The following NLRP13 variants were observed in gnomAD, a reference collection of about 807,000 sequenced individuals.
NLRP13 encodes NLR family pyrin domain containing 13, also known as NACHT, LRR and PYD domains-containing protein 13.
NLRP13 carries 82 observed loss-of-function variants against 94.4 expected under a neutral mutation model. The observed-to-expected ratio is 0.87, with a 90% CI of 0.73 to 1.04. The LOEUF is 1.04. Ranked by LOEUF, NLRP13 falls within the 50% of genes least tolerant of loss-of-function variation. The pLI is 0.00. For missense variants in NLRP13, 1,426 were observed against 1,230.8 expected (o/e 1.16, Z -2.37); for synonymous variants, 553 against 464.7 (o/e 1.19, Z -2.45).
In NLRP13 at chr19:55,902,045, G is replaced by A; in HGVS notation, c.2779C>T (p.Gln927Ter). 1 of 1,614,048 alleles carries A rather than the reference G, an allele frequency of 6.2e-7. No individual in the cohort carries two copies. Among genetic ancestry groups the A allele is most frequent in the Non-Finnish European group, 8.5e-7 (1 of 1,179,952 alleles). ...GCCAAGAAAACTTACTTCAGGCTCT[G>A]CAGGTTACCATCTGGGCGACCCAAG... is the stretch of plus-strand genomic sequence containing the variant. ...EALGRPDGNLQSLNLSGCSFT... is the reference protein window; with the variant it reads ...EALGRPDGNL Residue 927 changes from glutamine (Q) to a stop codon, truncating the protein, a stop_gained, in exon 9 of 11, where the codon CAG (glutamine) becomes TAG (stop). Coordinates refer to ENST00000342929, the MANE Select transcript of NLRP13 (RefSeq NM_176810.2). LOFTEE classifies it high-confidence loss of function.
In NLRP13 at chr19:55,912,283, A is replaced by G; in HGVS notation, c.1534T>C (p.Phe512Leu). 2 of 1,614,130 alleles carry G rather than the reference A, an allele frequency of 1.2e-6. No individual in the cohort carries two copies. The highest frequency in any genetic ancestry group is 1.7e-6 in the Non-Finnish European group (2 of 1,180,024). The change falls in exon 5 of 11, where the codon TTC becomes CTC. Residue 512 changes from phenylalanine (F) to leucine (L), a missense_variant. By Grantham distance (22) the Phe-to-Leu change is conservative (BLOSUM62 0). Transcript: ENST00000342929. ...DTEIEGLEVPFIDSLYEFNIL... is the reference protein window; with the variant it reads ...DTEIEGLEVPLIDSLYEFNIL... ...TTGAACTCGTAGAGAGAATCAATGA[A>G]AGGCACTTCCAGGCCCTCGATCTCA...
At chr19:55,909,978 A>G (rs886324038) in intron 6 of NLRP13, among the ~76,000 whole-genome samples, 1 of 151,876 alleles carries the variant, frequency 6.6e-6, no homozygotes, top group African/African-American at 2.4e-5. Context: ...TCCTCCTCAT[A>G]CATCCTTTCT....
intron 8 of NLRP13, 118 bp from the exon 9 acceptor site, chr19:55,902,323 A>AT (rs1986210838): frequency 2.6e-6 from 2 of 767,530 alleles, no homozygotes; most frequent in African/African-American, 3.5e-5. Flanking sequence ...CTGGACGACA[A>AT]GGTCTTTCTT....
At chr19:55,925,549 A>C (rs986450568) in intron 1 of NLRP13, among the ~76,000 whole-genome samples, 1 of 152,158 alleles carries the variant, frequency 6.6e-6, no homozygotes, top group African/African-American at 2.4e-5. Context: ...CAGAGAAGCC[A>C]CTCTAATATC....
chr19:55,918,313 A>G (rs1986724492), intron 4 of NLRP13, among the ~76,000 whole-genome samples: 1 of 151,912 alleles, frequency 6.6e-6, no homozygotes, highest in South Asian at 2.1e-4. Context: ...ATCACAAATT[A>G]ACAACCTAAC....
At chr19:55,910,151 T>G in intron 6 of NLRP13, among the ~76,000 whole-genome samples, 1 of 152,284 alleles carries the variant, frequency 6.6e-6, no homozygotes, top group South Asian at 2.1e-4. Flanking sequence ...ACAGGAGATG[T>G]CCAATACTCA....
chr19:55,905,472 T>C (rs1419981963), intron 7 of NLRP13, among the ~76,000 whole-genome samples: 1 of 118,964 alleles, frequency 8.4e-6, no homozygotes, highest in Admixed American at 8.5e-5. Flanking sequence ...CACACATATA[T>C]ACATATATAT....
At position 55,915,856 on chromosome 19, in the gene NLRP13, G is replaced by C. The variant is rs138404615; in HGVS notation, c.524-2563C>G. On this transcript the variant is annotated intron_variant, in intron 4 of 10. Transcript: ENST00000342929. ...AGCCCATTGCCTGATGCACAAGAAA[G>C]TTTCTCCTGGTAAACAACAATCAAG... Among the ~76,000 whole-genome samples the C allele has an allele frequency of 8.6e-5, 13 of 151,946 alleles. No homozygotes were observed. The East Asian group carries it at 2.3e-3, about 27-fold the overall frequency.
downstream of NLRP13, among the ~76,000 whole-genome samples, chr19:55,892,483 G>A (rs1460089573): frequency 1.3e-5 from 2 of 152,086 alleles, no homozygotes; most frequent in African/African-American, 2.4e-5. Flanking sequence ...GTGCAGTGGC[G>A]TGATCTCGGC....
At chr19:55,915,370 G>A (rs1259025794) in intron 4 of NLRP13, among the ~76,000 whole-genome samples, 1 of 152,092 alleles carries the variant, frequency 6.6e-6, no homozygotes, top group Non-Finnish European at 1.5e-5. Context: ...GGCCGAAGCA[G>A]GTGGATCACC....
intron 9 of NLRP13, among the ~76,000 whole-genome samples, chr19:55,900,883 T>C (rs1986150247): frequency 6.6e-6 from 1 of 152,166 alleles, no homozygotes; most frequent in Middle Eastern, 3.4e-3. Context: ...AAATCAATAA[T>C]TGTTGAAGTT....
intron 6 of NLRP13, among the ~76,000 whole-genome samples, chr19:55,909,342 A>C (rs1196381604): frequency 1.3e-5 from 2 of 152,164 alleles, no homozygotes; most frequent in Non-Finnish European, 2.9e-5. Flanking sequence ...CCAGCTCCAG[A>C]GAGGACCCTC....
chr19:55,923,965 G>A lies in NLRP13; in HGVS notation c.472C>T (p.Gln158Ter), dbSNP rs1986905994. The stretch of plus-strand genomic sequence containing the variant: ...TCTTGGTTTGGATCTTGGCATCCCT[G>A]GGCCTGTACATTCCCTGAAATAAAC... ...LEEETGNVQA[Q>*]GCQDPNQEEP... The change falls in exon 4 of 11, where the codon CAG becomes TAG. Residue 158 changes from glutamine (Q) to a stop codon, truncating the protein, a stop_gained. Coordinates refer to ENST00000342929, the MANE Select transcript of NLRP13 (RefSeq NM_176810.2). LOFTEE classifies it high-confidence loss of function. 12 of 1,613,606 alleles carry A rather than the reference G, an allele frequency of 7.4e-6. No homozygotes were observed. Among genetic ancestry groups the A allele is most frequent in the Non-Finnish European group, 1.0e-5 (12 of 1,179,658 alleles).
At chr19:55,900,475 G>A (rs533075826) in intron 9 of NLRP13, among the ~76,000 whole-genome samples, 8 of 152,208 alleles carry the variant, frequency 5.3e-5, no homozygotes, top group African/African-American at 1.7e-4. Context: ...ACGATTCCTC[G>A]AGAATCTAGA....
intron 8 of NLRP13, among the ~76,000 whole-genome samples, chr19:55,904,695 G>A (rs1388411624): frequency 6.6e-6 from 1 of 152,092 alleles, no homozygotes; most frequent in African/African-American, 2.4e-5. Flanking sequence ...CATATGAGTT[G>A]ACCAAAAAAT....
chr19:55,904,983 A>T lies in NLRP13; in HGVS notation c.2577T>A (p.Cys859Ter). The change falls in exon 8 of 11, where the codon TGT (cysteine) becomes TGA (stop). Residue 859 changes from cysteine (C) to a stop codon, truncating the protein, a stop_gained. Transcript: ENST00000342929. LOFTEE classifies it high-confidence loss of function. ...CACACTTGGGGTGAGTCAGGGCCGC[A>T]CACAATAGCTTTATGCCATCATCTT... ...RLQDDGIKLL[C>*]AALTHPKCAL... 1 of 1,614,072 alleles carries T rather than the reference A, an allele frequency of 6.2e-7. No homozygotes were observed. The highest frequency in any genetic ancestry group is 8.5e-7 in the Non-Finnish European group (1 of 1,179,970).
chr19:55,896,499 C>G (rs169991), intron 10 of NLRP13, among the ~76,000 whole-genome samples: 2 of 126,002 alleles, frequency 1.6e-5, no homozygotes, highest in Non-Finnish European at 1.6e-5. Flanking sequence ...TCCAGCCTGG[C>G]GACAGCAAGA....
At chr19:55,894,899 C>T (rs1985960053), downstream of NLRP13, among the ~76,000 whole-genome samples, 1 of 152,168 alleles carries the variant, frequency 6.6e-6, no homozygotes. Context: ...TCCAGGACTG[C>T]ACCATCCAGT....
intron 4 of NLRP13, among the ~76,000 whole-genome samples, chr19:55,919,405 T>A (rs1179898151): frequency 6.6e-6 from 1 of 151,942 alleles, no homozygotes; most frequent in African/African-American, 2.4e-5. Flanking sequence ...TAAAAAGGTA[T>A]CTAAATTGTA....
Sources: allele counts gnomAD v4.1 joint callset (sites outside exome capture counted in the v4.1 genomes callset), GRCh38; gene constraint gnomAD v4.1.1; transcripts MANE v1.5; gene names NCBI Gene and HGNC (gene_info 2026-07-23, HGNC 2026-07-21).